Variants in PTPRT observed in about 807,000 individuals in gnomAD.
The protein encoded by PTPRT is receptor-type tyrosine-protein phosphatase T.
In PTPRT, 56 loss-of-function variants were observed where a neutral mutation model predicts 176.8. The ratio of observed to expected loss-of-function variants is 0.32; its 90% CI spans 0.26 to 0.40. PTPRT has a LOEUF of 0.40. PTPRT is among the 10% of genes least tolerant of loss of function. The pLI, the probability that PTPRT is intolerant of heterozygous loss-of-function variation, is 1.00. For missense variants in PTPRT, 1,540 were observed against 1,908.2 expected (o/e 0.81, Z 3.60); for synonymous variants, 783 against 739.0 (o/e 1.06, Z -0.96).
chr20:42,853,791 T>C (rs1238267345), intron 2 of PTPRT, among the ~76,000 whole-genome samples: 3 of 152,140 alleles, frequency 2.0e-5, no homozygotes, highest in Non-Finnish European at 4.4e-5. Flanking sequence ...ATCACAACCT[T>C]GTATACGTTT....
At chr20:43,128,951 A>G (rs2013549621) in intron 1 of PTPRT, among the ~76,000 whole-genome samples, 1 of 152,242 alleles carries the variant, frequency 6.6e-6, no homozygotes, top group South Asian at 2.1e-4. Context: ...AAAGTTATAC[A>G]CACATATATG....
At chr20:42,574,694 G>A (rs190035720) in intron 7 of PTPRT, among the ~76,000 whole-genome samples, 52 of 152,222 alleles carry the variant, frequency 3.4e-4, no homozygotes, top group African/African-American at 1.1e-3. Flanking sequence ...GGGGTTGGGC[G>A]AAGAAAGGTG....
intron 7 of PTPRT, among the ~76,000 whole-genome samples, chr20:42,586,742 G>A (rs989463563): frequency 2.0e-5 from 3 of 152,130 alleles, no homozygotes; most frequent in Non-Finnish European, 2.9e-5. Flanking sequence ...TTCTCTTAAT[G>A]ATTTATTTGA....
chr20:42,605,139 A>C (rs2145803469), intron 7 of PTPRT, among the ~76,000 whole-genome samples: 1 of 152,334 alleles, frequency 6.6e-6, no homozygotes, highest in Middle Eastern at 3.4e-3. Flanking sequence ...GGCCTCTATG[A>C]ATGCCTGAGG....
At chr20:43,071,352 T>C (rs1479331189) in intron 1 of PTPRT, among the ~76,000 whole-genome samples, 7 of 152,204 alleles carry the variant, frequency 4.6e-5, no homozygotes, top group South Asian at 2.1e-4. Context: ...GGCCCAGCCA[T>C]TTGTGGTTGA....
intron 17 of PTPRT, among the ~76,000 whole-genome samples, chr20:42,160,189 C>G (rs1226256768): frequency 6.6e-6 from 1 of 151,508 alleles, no homozygotes; most frequent in East Asian, 1.9e-4. Context: ...TAACTCAGAC[C>G]ATGGTACACA....
chr20:42,369,115 T>A (rs2058553775), intron 9 of PTPRT, among the ~76,000 whole-genome samples: 1 of 150,744 alleles, frequency 6.6e-6, no homozygotes, highest in Admixed American at 6.6e-5. Context: ...CTTCCATCCA[T>A]CCGTCCGTCC....
At chr20:42,098,298 C>A in intron 27 of PTPRT, 123 bp downstream of exon 27, 1 of 1,365,050 alleles carries the variant, frequency 7.3e-7, no homozygotes, top group Non-Finnish European at 1.0e-6. Flanking sequence ...TGGCCAGACA[C>A]TGCTTATTAC....
intron 6 of PTPRT, among the ~76,000 whole-genome samples, chr20:42,728,950 A>G (rs2076420390): frequency 6.6e-6 from 1 of 152,222 alleles, no homozygotes; most frequent in African/African-American, 2.4e-5. Flanking sequence ...AACAAAGAAC[A>G]GGAAAATAAC....
At chr20:42,683,039 A>G (rs1600601148) in intron 6 of PTPRT, among the ~76,000 whole-genome samples, 1 of 152,048 alleles carries the variant, frequency 6.6e-6, no homozygotes, top group African/African-American at 2.4e-5. Context: ...GGTGAGTGTA[A>G]CCTAGCCTCC....
At chr20:42,993,395 G>T (rs1984032687) in intron 1 of PTPRT, among the ~76,000 whole-genome samples, 1 of 143,256 alleles carries the variant, frequency 7.0e-6, no homozygotes, top group Admixed American at 6.9e-5. Flanking sequence ...TCCACCCTGG[G>T]TGACACAGCG....
At chr20:42,725,289 G>GA (rs955259357) in intron 6 of PTPRT, among the ~76,000 whole-genome samples, 12 of 150,012 alleles carry the variant, frequency 8.0e-5, no homozygotes, top group South Asian at 4.2e-4. Flanking sequence ...AAAAAAGAAA[G>GA]AAAAAAAAAC....
chr20:42,673,265 G>A lies in PTPRT; in HGVS notation c.1153+4601C>T, dbSNP rs1007097654. On this transcript the variant is annotated intron_variant, in intron 7 of 30. Coordinates refer to ENST00000373187, the MANE Select transcript of PTPRT (RefSeq NM_007050.6). Reference sequence around the variant, plus strand: ...AGAGCTGCTGCAAAGACCAAGCTATGGAATGAACATCCTTCCAAAGAGCCA... The same window carrying A: ...AGAGCTGCTGCAAAGACCAAGCTATAGAATGAACATCCTTCCAAAGAGCCA... 3.9e-5 allele frequency among the ~76,000 whole-genome samples: 6 copies of A among 152,240 alleles called. No individual in the cohort carries two copies. The East Asian group carries it at 7.7e-4, about 20-fold the overall frequency.
intron 2 of PTPRT, among the ~76,000 whole-genome samples, chr20:42,863,142 T>C (rs1020440775): frequency 2.0e-5 from 3 of 152,310 alleles, no homozygotes; most frequent in Admixed American, 2.0e-4. Flanking sequence ...ATTCATGTGA[T>C]AGGAAATCCC....
At chr20:42,356,083 C>G (rs935344794) in intron 9 of PTPRT, among the ~76,000 whole-genome samples, 6 of 152,212 alleles carry the variant, frequency 3.9e-5, no homozygotes, top group East Asian at 1.9e-4. Flanking sequence ...AAAAATTTAA[C>G]TTGCAAGTTT....
intron 7 of PTPRT, among the ~76,000 whole-genome samples, chr20:42,624,171 T>C (rs2074251393): frequency 6.6e-6 from 1 of 152,082 alleles, no homozygotes; most frequent in African/African-American, 2.4e-5. Flanking sequence ...CTCTGTGAAA[T>C]TTGCACAGGG....
chr20:42,524,342 T>C (rs544394756), intron 7 of PTPRT, among the ~76,000 whole-genome samples: 5 of 152,348 alleles, frequency 3.3e-5, no homozygotes, highest in East Asian at 3.9e-4. Context: ...TGAGATTTTA[T>C]TGGCAATTTA....
At chr20:43,060,049 G>C (rs1987390914) in intron 1 of PTPRT, among the ~76,000 whole-genome samples, 1 of 151,944 alleles carries the variant, frequency 6.6e-6, no homozygotes, top group Non-Finnish European at 1.5e-5. Context: ...GTTCAAGGCA[G>C]TGTAGGCTTT....
At chr20:42,952,366 C>T (rs1981307529) in intron 1 of PTPRT, among the ~76,000 whole-genome samples, 1 of 152,194 alleles carries the variant, frequency 6.6e-6, no homozygotes, top group Non-Finnish European at 1.5e-5. Flanking sequence ...CTCTGCGTAG[C>T]TATGAAGGAC....
Sources: gnomAD v4.1 joint callset for allele counts (sites outside exome capture counted in the v4.1 genomes callset) on GRCh38, gnomAD v4.1.1 for gene constraint, MANE v1.5 for transcripts, NCBI Gene and HGNC (gene_info 2026-07-23, HGNC 2026-07-21) for gene names.